KCNIP1: variants seen among roughly 807,000 people sequenced by gnomAD.
The protein encoded by KCNIP1 is potassium voltage-gated channel interacting protein 1.
A neutral mutation model predicts 33.0 loss-of-function variants in KCNIP1; 18 were observed. The observed-to-expected ratio is 0.55, with a 90% confidence interval of 0.38 to 0.81. The LOEUF is 0.81. Among genes scored for constraint, KCNIP1 ranks in the 30% least tolerant of loss-of-function variants. KCNIP1 has a pLI of 0.00. For missense variants in KCNIP1, 238 were observed against 271.6 expected, an observed-to-expected ratio of 0.88 and a Z score of 0.87; for synonymous variants, 93 against 98.3, an observed-to-expected ratio of 0.95 and a Z score of 0.32.
chr5:170,586,832 C>T (rs941559940), intron 1 of KCNIP1, among the ~76,000 whole-genome samples: 1 of 152,214 alleles, frequency 6.6e-6, no homozygotes. Flanking sequence ...AGGGATGGAA[C>T]ATCCATTCAT....
intron 1 of KCNIP1, among the ~76,000 whole-genome samples, chr5:170,665,024 T>G (rs771864635): frequency 3.0e-4 from 46 of 152,154 alleles, no homozygotes; most frequent in Non-Finnish European, 5.3e-4. Context: ...GCATCAGGCT[T>G]GGAAGACCTG....
chr5:170,358,371 T>G (rs1420185402), intron 1 of KCNIP1, among the ~76,000 whole-genome samples: 2 of 152,158 alleles, frequency 1.3e-5, no homozygotes, highest in African/African-American at 2.4e-5. Context: ...TCCTCTTTTT[T>G]CGAGGCAAAA....
chr5:170,548,904 G>T (rs1458037489), intron 1 of KCNIP1, among the ~76,000 whole-genome samples: 1 of 152,184 alleles, frequency 6.6e-6, no homozygotes, highest in African/African-American at 2.4e-5. Flanking sequence ...ATTCATGTTT[G>T]CCCTCAGCTA....
At chr5:170,611,376 C>T (rs898298979) in intron 1 of KCNIP1, among the ~76,000 whole-genome samples, 4 of 152,216 alleles carry the variant, frequency 2.6e-5, no homozygotes, top group African/African-American at 9.7e-5. Context: ...CTGGGCCCCA[C>T]AGCATCTTCG....
chr5:170,534,052 C>T (rs942375220), intron 1 of KCNIP1, among the ~76,000 whole-genome samples: 7 of 152,220 alleles, frequency 4.6e-5, no homozygotes, highest in Non-Finnish European at 8.8e-5. Flanking sequence ...AAAACATATG[C>T]ACATTTAAAC....
intron 1 of KCNIP1, among the ~76,000 whole-genome samples, chr5:170,536,749 A>C (rs2113365618): frequency 6.6e-6 from 1 of 152,308 alleles, no homozygotes; most frequent in South Asian, 2.1e-4. Context: ...CACCGGAGTT[A>C]AAAATGACCT....
chr5:170,627,803 G>T (rs941577679), intron 1 of KCNIP1, among the ~76,000 whole-genome samples: 13 of 152,210 alleles, frequency 8.5e-5, no homozygotes, highest in African/African-American at 3.1e-4. Flanking sequence ...CCAGACTGGG[G>T]AACTGCTCCT....
chr5:170,550,358 A>G (rs2113410015), intron 1 of KCNIP1, among the ~76,000 whole-genome samples: 2 of 152,328 alleles, frequency 1.3e-5, no homozygotes, highest in Middle Eastern at 3.4e-3. Flanking sequence ...TGATCTGAGA[A>G]TTCCTCCCAA....
intron 1 of KCNIP1, among the ~76,000 whole-genome samples, chr5:170,452,183 C>T (rs960240797): frequency 3.6e-4 from 55 of 152,196 alleles, no homozygotes; most frequent in African/African-American, 1.1e-3. Context: ...CTGTGTGGTG[C>T]TTGCATCACC....
chr5:170,705,389 G>A (rs986971313), intron 1 of KCNIP1, among the ~76,000 whole-genome samples: 1 of 152,154 alleles, frequency 6.6e-6, no homozygotes. Context: ...TCCAGTGGAG[G>A]GTAATGCCCA....
chr5:170,720,209 C>A (rs1763770374), intron 2 of KCNIP1, 112 bp from the exon 3 acceptor site: 4 of 739,950 alleles, frequency 5.4e-6, no homozygotes, highest in Non-Finnish European at 9.6e-6. Flanking sequence ...TGGAAATGCA[C>A]AGGTCCCTGT....
intron 1 of KCNIP1, among the ~76,000 whole-genome samples, chr5:170,535,909 G>A (rs1755967610): frequency 6.6e-6 from 1 of 152,130 alleles, no homozygotes; most frequent in South Asian, 2.1e-4. Flanking sequence ...AAGTGGAAAG[G>A]GGCCTGAGGA....
chr5:170,508,583 C>T (rs1754805047), intron 1 of KCNIP1, among the ~76,000 whole-genome samples: 1 of 152,244 alleles, frequency 6.6e-6, no homozygotes, highest in South Asian at 2.1e-4. Context: ...GTCATTTCAC[C>T]TTGTAAATGC....
chr5:170,511,049 A>G (rs909921389), intron 1 of KCNIP1, among the ~76,000 whole-genome samples: 4 of 152,120 alleles, frequency 2.6e-5, no homozygotes, highest in Non-Finnish European at 4.4e-5. Context: ...TCTCTACTAA[A>G]AATACAAAAA....
chr5:170,576,244 C>T (rs114665564), intron 1 of KCNIP1, among the ~76,000 whole-genome samples: 2,249 of 152,334 alleles, frequency 0.015, 54 homozygotes, highest in African/African-American at 0.052. Flanking sequence ...CCTCCCCAGT[C>T]TCCTTGTTTG....
rs114947119 is a variant in KCNIP1 at position 170,674,791 on chromosome 5, G to T, written c.62-43967G>T. Among the ~76,000 whole-genome samples, 708 of 152,226 alleles carry T rather than the reference G, an allele frequency of 4.7e-3. 5 individuals are homozygous for T. The highest frequency in any genetic ancestry group is 0.016 in the African/African-American group (663 of 41,552). ...CAGGAAGCTTCTCTCCAGTTGTCTT[G>T]CCTCCTTCCTCTCCAGTCTCCATGG... On this transcript the variant is annotated intron_variant, in intron 1 of 7. Transcript: ENST00000328939.
intron 1 of KCNIP1, among the ~76,000 whole-genome samples, chr5:170,560,958 C>A (rs1015474972): frequency 3.7e-4 from 57 of 152,264 alleles, no homozygotes; most frequent in African/African-American, 1.3e-3. Context: ...CTATTCTTCT[C>A]ACAAGAAGGA....
intron 1 of KCNIP1, among the ~76,000 whole-genome samples, chr5:170,685,368 A>G (rs1762505090): frequency 6.6e-6 from 1 of 150,544 alleles, no homozygotes; most frequent in African/African-American, 2.5e-5. Context: ...CACTCTGCCA[A>G]CTGCCTACCT....
At chr5:170,556,600 A>C (rs373274695) in intron 1 of KCNIP1, among the ~76,000 whole-genome samples, 7 of 152,046 alleles carry the variant, frequency 4.6e-5, no homozygotes, top group South Asian at 4.1e-4. Context: ...GGGGAGAGGA[A>C]GAAAGAAGGA....
Sources: allele counts gnomAD v4.1 joint callset (sites outside exome capture counted in the v4.1 genomes callset), GRCh38; gene constraint gnomAD v4.1.1; transcripts MANE v1.5; gene names NCBI Gene and HGNC (gene_info 2026-07-23, HGNC 2026-07-21).